The following PTPRD variants were observed in gnomAD, a reference collection of about 807,000 sequenced individuals.
PTPRD encodes the protein receptor-type tyrosine-protein phosphatase delta.
In PTPRD, 34 loss-of-function variants were observed where a neutral mutation model predicts 214.5. That is an observed-to-expected ratio of 0.16 (90% CI 0.12 to 0.21). The LOEUF is 0.21. PTPRD is among the 10% of genes least tolerant of loss of function. PTPRD has a pLI of 1.00. For synonymous variants in PTPRD, 1,128 were observed against 845.7 expected, an observed-to-expected ratio of 1.33 and a Z score of -5.79; for missense variants, 2,545 against 2,398.7, an observed-to-expected ratio of 1.06 and a Z score of -1.27.
chr9:8,315,129 T>G lies in PTPRD; in HGVS notation c.*2745A>C. The G allele has an allele frequency of 4.3e-6, 1 of 232,638 alleles. No homozygotes were observed. The highest frequency in any genetic ancestry group is 1.3e-3 in the Middle Eastern group (1 of 780). The allele number at this position is 232,638 out of a possible 1,614,324, so 14.4% of individuals were successfully genotyped here. A position where few individuals can be genotyped will look rare whatever the true frequency, so the allele number is the denominator to read the frequency against. ...TTGTGGTAATGGCAGATAAAGATGG[T>G]TCACCTGGGAAATTAAAACTTGAAT... On this transcript the variant is annotated 3_prime_UTR_variant, in exon 46 of 46. Transcript: ENST00000381196.
At chr9:9,623,781 C>T (rs2095327163) in intron 7 of PTPRD, among the ~76,000 whole-genome samples, 1 of 152,190 alleles carries the variant, frequency 6.6e-6, no homozygotes, top group South Asian at 2.1e-4. Flanking sequence ...AATACATTGA[C>T]AGTCAACTTG....
At chr9:8,471,768 C>G (rs1278878570) in intron 30 of PTPRD, among the ~76,000 whole-genome samples, 2 of 152,072 alleles carry the variant, frequency 1.3e-5, no homozygotes, top group Non-Finnish European at 2.9e-5. Flanking sequence ...AATACTTACA[C>G]TGAGAACAGT....
At chr9:10,207,608 C>T (rs1052963909) in intron 3 of PTPRD, among the ~76,000 whole-genome samples, 1 of 151,850 alleles carries the variant, frequency 6.6e-6, no homozygotes, top group African/African-American at 2.4e-5. Flanking sequence ...TAAAACACTA[C>T]TTGACTCAGA....
intron 11 of PTPRD, chr9:8,860,753 C>G (rs1344825811): frequency 6.6e-6 from 1 of 152,114 alleles, no homozygotes; most frequent in Non-Finnish European, 1.5e-5. Context: ...GCAGGCTAAT[C>G]TTTTGTTGAA....
intron 3 of PTPRD, among the ~76,000 whole-genome samples, chr9:10,185,206 C>G (rs1015343986): frequency 1.6e-4 from 25 of 152,174 alleles, no homozygotes; most frequent in African/African-American, 6.0e-4. Context: ...TGTTTGTGAA[C>G]TCTGATTTAC....
rs373310821 is a variant in PTPRD at position 10,209,696 on chromosome 9, T to C, written c.-545+131267A>G. ...GCCTTTGATCTCGTATTTTTCAATA[T>C]TCTACTTATCTCAAAAGGAAAAATA... is the stretch of plus-strand genomic sequence containing the variant. On this transcript the variant is annotated intron_variant, in intron 3 of 45. Transcript: ENST00000381196. Among the ~76,000 whole-genome samples the C allele has an allele frequency of 1.2e-3, 187 of 152,272 alleles. 3 individuals carry two copies. In the South Asian group the frequency reaches 0.036, roughly 29 times the overall value.
chr9:9,876,570 C>A (rs1396447318), intron 5 of PTPRD, among the ~76,000 whole-genome samples: 1 of 152,106 alleles, frequency 6.6e-6, no homozygotes, highest in African/African-American at 2.4e-5. Flanking sequence ...AACAATAAGA[C>A]AAATATGAGA....
At chr9:8,754,588 T>A (rs911724924) in intron 11 of PTPRD, among the ~76,000 whole-genome samples, 3 of 152,170 alleles carry the variant, frequency 2.0e-5, no homozygotes, top group South Asian at 2.1e-4. Context: ...CCTCACACCA[T>A]ATACAAAATA....
chr9:9,169,118 C>T lies in PTPRD; in HGVS notation c.-143+14186G>A, dbSNP rs572735174. ...TATTAGCCTTCTAATTGAACCTTCT[C>T]ATCTTATCTAATACACTGTTTGCTT... is the stretch of plus-strand genomic sequence containing the variant. On this transcript the variant is annotated intron_variant, in intron 10 of 45. Transcript: ENST00000381196. Among the ~76,000 whole-genome samples, 3 of 152,128 alleles carry T rather than the reference C, an allele frequency of 2.0e-5. No individual in the cohort carries two copies. In the East Asian group the frequency reaches 5.8e-4, roughly 29 times the overall value.
chr9:8,470,689 A>T (rs2096635984), intron 31 of PTPRD, among the ~76,000 whole-genome samples: 2 of 152,160 alleles, frequency 1.3e-5, no homozygotes, highest in South Asian at 4.1e-4. Flanking sequence ...GTCTTTGCTG[A>T]CAATTCACTT....
intron 12 of PTPRD, among the ~76,000 whole-genome samples, chr9:8,723,278 C>T (rs777615360): frequency 1.3e-5 from 2 of 152,124 alleles, no homozygotes; most frequent in African/African-American, 2.4e-5. Context: ...TCCCATTCTT[C>T]GGCTCAAGTG....
intron 14 of PTPRD, among the ~76,000 whole-genome samples, chr9:8,530,943 G>A (rs1158526922): frequency 6.6e-6 from 1 of 152,012 alleles, no homozygotes; most frequent in Admixed American, 6.6e-5. Context: ...AGTCTGTGAA[G>A]GACCAAAAGA....
At chr9:10,163,826 C>T (rs1240104153) in intron 3 of PTPRD, among the ~76,000 whole-genome samples, 2 of 151,388 alleles carry the variant, frequency 1.3e-5, no homozygotes, top group Non-Finnish European at 1.5e-5. Context: ...GTCATATGTT[C>T]AACAATAAGA....
chr9:10,362,732 T>C (rs949911903), intron 2 of PTPRD, among the ~76,000 whole-genome samples: 1 of 151,826 alleles, frequency 6.6e-6, no homozygotes, highest in African/African-American at 2.4e-5. Context: ...ATATAAAAAT[T>C]AGCCAGGCAT....
intron 11 of PTPRD, among the ~76,000 whole-genome samples, chr9:8,910,511 G>C (rs979238846): frequency 3.3e-5 from 5 of 152,124 alleles, no homozygotes; most frequent in African/African-American, 1.2e-4. Context: ...GAGAGGAAGA[G>C]AGACCTGAGC....
intron 11 of PTPRD, among the ~76,000 whole-genome samples, chr9:8,799,756 T>C (rs956416496): frequency 6.6e-6 from 1 of 152,122 alleles, no homozygotes; most frequent in East Asian, 1.9e-4. Flanking sequence ...CTGTAATGAA[T>C]ATCTGTCACT....
intron 7 of PTPRD, among the ~76,000 whole-genome samples, chr9:9,603,436 A>T (rs1024278388): frequency 5.3e-5 from 8 of 152,178 alleles, no homozygotes; most frequent in Admixed American, 3.3e-4. Context: ...TATAAGCCAT[A>T]TTAGGCTATA....
chr9:10,196,734 T>C (rs2099399809), intron 3 of PTPRD, among the ~76,000 whole-genome samples: 1 of 152,018 alleles, frequency 6.6e-6, no homozygotes, highest in African/African-American at 2.4e-5. Flanking sequence ...CAAACAAACA[T>C]AGTGCAGTGG....
At chr9:8,665,726 G>A (rs1431028758) in intron 12 of PTPRD, among the ~76,000 whole-genome samples, 1 of 152,106 alleles carries the variant, frequency 6.6e-6, no homozygotes, top group Non-Finnish European at 1.5e-5. Flanking sequence ...AAATGCCCCT[G>A]CATGACACAT....
Sources: gnomAD v4.1 joint callset for allele counts (sites outside exome capture counted in the v4.1 genomes callset) on GRCh38, gnomAD v4.1.1 for gene constraint, MANE v1.5 for transcripts, NCBI Gene and HGNC (gene_info 2026-07-23, HGNC 2026-07-21) for gene names.